Variants in RPL31 observed in about 807,000 individuals in gnomAD.
RPL31 encodes the protein large ribosomal subunit protein eL31.
For synonymous variants in RPL31, 51 were observed against 55.0 expected (o/e 0.93, Z 0.32); for missense variants, 95 against 164.0 (o/e 0.58, Z 2.30).
At chr2:101,017,963 C>A (rs1679776271) in intron 4 of RPL31, 6 of 1,546,928 alleles carry the variant, frequency 3.9e-6, no homozygotes, top group Non-Finnish European at 5.2e-6. Context: ...GGTGAAAAGT[C>A]ATTATAGAGG....
intron 2 of RPL31, among the ~76,000 whole-genome samples, chr2:101,003,257 A>G (rs1339194994): frequency 2.0e-5 from 3 of 152,114 alleles, no homozygotes; most frequent in Non-Finnish European, 2.9e-5. Context: ...TGTTTTTTCC[A>G]CAAATAAATG....
intron 4 of RPL31, among the ~76,000 whole-genome samples, chr2:101,012,733 A>G (rs1164441570): frequency 6.6e-6 from 1 of 152,218 alleles, no homozygotes; most frequent in East Asian, 1.9e-4. Flanking sequence ...CGGGGATGAC[A>G]GGGAAGGTTC....
chr2:101,004,240 A>G lies in RPL31; in HGVS notation c.190A>G (p.Ile64Val), dbSNP rs372555602. Residue 64 changes from isoleucine (I) to valine (V), a missense_variant, in exon 3 of 5, where the codon ATT (isoleucine) becomes GTT (valine). Coordinates refer to ENST00000264258, the MANE Select transcript of RPL31 (RefSeq NM_000993.5). ...MKEMGTPDVRIDTRLNKAVWA... is the reference protein window; with the variant it reads ...MKEMGTPDVRVDTRLNKAVWA... ...GGAGATGGGAACTCCAGATGTGCGC[A>G]TTGACACCAGGCTCAACAAAGCTGT... 6.2e-7 allele frequency: 1 copy of G among 1,614,204 alleles called. No homozygotes were observed. Among genetic ancestry groups the G allele is most frequent in the East Asian group, 2.2e-5 (1 of 44,886 alleles).
chr2:101,018,949 G>C (rs778075128), intron 4 of RPL31: 3 of 1,599,980 alleles, frequency 1.9e-6, no homozygotes, highest in South Asian at 2.3e-5. Flanking sequence ...CTCTTCGTCT[G>C]TGTGTTACCT....
chr2:101,002,560 TG>T, intron 1 of RPL31, 141 bp from the exon 2 acceptor site: 1 of 673,854 alleles, frequency 1.5e-6, no homozygotes, highest in Non-Finnish European at 2.6e-6. Flanking sequence ...CGCGGGTGCG[TG>T]GGCCACTGGG....
chr2:101,012,595 TGTG>T (rs150182948), intron 4 of RPL31, among the ~76,000 whole-genome samples: 2,079 of 151,116 alleles, frequency 0.014, 57 homozygotes, highest in African/African-American at 0.048. Context: ...TAAAATTGAT[TGTG>T]GTGATCGCTG....
downstream of RPL31, chr2:101,011,053 G>A (rs1679172561): frequency 1.3e-6 from 2 of 1,598,840 alleles, no homozygotes; most frequent in Non-Finnish European, 1.7e-6. Context: ...ACAATATGTG[G>A]TTTAATTTAA....
downstream of RPL31, chr2:101,011,667 AGG>A (rs1679224207): frequency 1.1e-6 from 1 of 899,704 alleles, no homozygotes; most frequent in Non-Finnish European, 1.7e-6. Context: ...TAGTTTTTGC[AGG>A]GTCCACGAAC....
At chr2:101,004,507 T>G (rs1573834331) in intron 3 of RPL31, 1 of 518,138 alleles carries the variant, frequency 1.9e-6, no homozygotes, top group Non-Finnish European at 3.4e-6. Flanking sequence ...CAGTGTAGGG[T>G]GGGAAAGAGC....
chr2:101,002,705 G>T lies in RPL31; in HGVS notation c.4G>T (p.Ala2Ser), dbSNP rs755249163. 6 of 1,613,652 alleles carry T rather than the reference G, an allele frequency of 3.7e-6. No individual in the cohort carries two copies. Among genetic ancestry groups the T allele is most frequent in the Admixed American group, 1.7e-5 (1 of 60,018 alleles). ...CCTCCTTGTCGCCTGCATTTAGATGGCTCCCGCAAAGAAGGGTGGCGAGAA... is the reference window on the plus strand; with the variant it reads ...CCTCCTTGTCGCCTGCATTTAGATGTCTCCCGCAAAGAAGGGTGGCGAGAA... Reference protein sequence around the residue: MAPAKKGGEKKK... With the variant: MSPAKKGGEKKK... Residue 2 changes from alanine (A) to serine (S), a missense_variant, in exon 2 of 5, where the codon GCT (alanine) becomes TCT (serine). By Grantham distance (99) the Ala-to-Ser change is moderately conservative. Transcript: ENST00000264258.
chr2:101,005,830 G>A, intron 3 of RPL31, 129 bp from the exon 4 acceptor site: 2 of 722,808 alleles, frequency 2.8e-6, no homozygotes, highest in South Asian at 1.7e-5. Flanking sequence ...GGAACTGTAA[G>A]TTCTAGGTTG....
chr2:101,004,712 TG>T (rs987773429), intron 3 of RPL31: 3 of 136,380 alleles, frequency 2.2e-5, no homozygotes, highest in Non-Finnish European at 2.9e-5. Flanking sequence ...GTGGCGGGGG[TG>T]GGGGGCAGTG....
rs1678785222 is a variant in RPL31 at position 101,007,224 on chromosome 2, C to CAA, written c.*844_*845dup. ...TAACTACAAGGTAAAAGAAAAGGAC[C>CAA]AAGTAAATACAAAAAGTTTCTTATT... On this transcript the variant is annotated 3_prime_UTR_variant, in exon 5 of 5. Transcript: ENST00000264258. 6.6e-6 allele frequency: 1 copy of CAA among 152,262 alleles called. No individual in the cohort carries two copies. Among genetic ancestry groups the CAA allele is most frequent in the South Asian group, 2.1e-4 (1 of 4,822 alleles). The allele number at this position is 152,262 out of a possible 1,614,324, so 9.4% of individuals were successfully genotyped here. A position where few individuals can be genotyped will look rare whatever the true frequency, so the allele number is the denominator to read the frequency against.
At chr2:101,011,319 G>A, downstream of RPL31, 1 of 968,816 alleles carries the variant, frequency 1.0e-6, no homozygotes, top group Non-Finnish European at 1.6e-6. Flanking sequence ...TAAAGGCAGT[G>A]AGTTTGGGGA....
downstream of RPL31, chr2:101,007,875 T>C: frequency 1.9e-6 from 3 of 1,612,422 alleles, no homozygotes; most frequent in South Asian, 3.3e-5. Flanking sequence ...TTTCAAAAGT[T>C]TTGAGATTGT....
chr2:101,014,260 A>T (rs17025184), intron 4 of RPL31, among the ~76,000 whole-genome samples: 1 of 151,736 alleles, frequency 6.6e-6, no homozygotes, highest in East Asian at 1.9e-4. Flanking sequence ...CTTCTGTGGC[A>T]TTTTAACTCA....
downstream of RPL31, chr2:101,011,188 G>C: frequency 2.8e-6 from 2 of 724,718 alleles, no homozygotes; most frequent in Non-Finnish European, 4.5e-6. Flanking sequence ...CCAGTGGGTG[G>C]TAACTGGGGG....
rs1270820219 is a variant in RPL31, at chr2:101,007,186, A to G, written c.*805A>G. ...TTACCCATTCACTGCCACAGTCTAC[A>G]GCTTAAGACACTTAACTACAAGGTA... On this transcript the variant is annotated 3_prime_UTR_variant, in exon 5 of 5. Transcript: ENST00000264258. 2.0e-5 allele frequency: 3 copies of G among 152,426 alleles called. No individual in the cohort carries two copies. In the East Asian group the frequency reaches 5.8e-4, roughly 29 times the overall value. The allele number at this position is 152,426 out of a possible 1,614,324, so 9.4% of individuals were successfully genotyped here.
chr2:101,004,010 A>G, intron 2 of RPL31, 148 bp from the exon 3 acceptor site: 1 of 807,088 alleles, frequency 1.2e-6, no homozygotes, highest in Admixed American at 2.8e-5. Flanking sequence ...ACACTGGCCT[A>G]CTGTATGCTG....
Sources: gnomAD v4.1 joint callset for allele counts (sites outside exome capture counted in the v4.1 genomes callset) on GRCh38, gnomAD v4.1.1 for gene constraint, MANE v1.5 for transcripts, NCBI Gene and HGNC (gene_info 2026-07-23, HGNC 2026-07-21) for gene names.